Variants in STXBP6 observed in about 807,000 individuals in gnomAD.
The protein encoded by STXBP6 is syntaxin-binding protein 6.
In STXBP6, 21 loss-of-function variants were observed where a neutral mutation model predicts 26.9. The ratio of observed to expected loss-of-function variants is 0.78; its 90% CI spans 0.55 to 1.12. The LOEUF (loss-of-function observed/expected upper bound fraction) is 1.12. STXBP6 is among the 50% of genes most tolerant of loss of function. The probability of loss-of-function intolerance (pLI) is 0.00; values close to 1 mark genes in which losing one functional copy is unlikely to be tolerated. For synonymous variants in STXBP6, 97 were observed against 92.6 expected (o/e 1.05, Z -0.27); for missense variants, 232 against 257.9 (o/e 0.90, Z 0.69).
At chr14:24,967,199 T>C (rs2073761123) in intron 2 of STXBP6, among the ~76,000 whole-genome samples, 1 of 152,216 alleles carries the variant, frequency 6.6e-6, no homozygotes, top group Non-Finnish European at 1.5e-5. Flanking sequence ...ATCTACCTCA[T>C]AGCACTGCTG....
intron 1 of STXBP6, among the ~76,000 whole-genome samples, chr14:25,025,414 A>G (rs1382196012): frequency 6.6e-6 from 1 of 152,154 alleles, no homozygotes; most frequent in East Asian, 1.9e-4. Context: ...CAAATGGAAT[A>G]CTGGAAGTCC....
chr14:24,833,889 C>G (rs2068533680), intron 4 of STXBP6, among the ~76,000 whole-genome samples: 2 of 152,112 alleles, frequency 1.3e-5, no homozygotes, highest in African/African-American at 2.4e-5. Context: ...AAAACCAAAA[C>G]AGATTTTGGT....
At chr14:24,826,790 T>G (rs1163791428) in intron 4 of STXBP6, among the ~76,000 whole-genome samples, 1 of 152,188 alleles carries the variant, frequency 6.6e-6, no homozygotes, top group Non-Finnish European at 1.5e-5. Flanking sequence ...AGATACAAGG[T>G]CAGAAAGATC....
chr14:25,048,294 A>G (rs907392243), intron 1 of STXBP6, among the ~76,000 whole-genome samples: 5 of 152,198 alleles, frequency 3.3e-5, no homozygotes, highest in Non-Finnish European at 7.3e-5. Flanking sequence ...GTTTACAACA[A>G]CCCTGCAATG....
chr14:24,972,967 C>T (rs11159009), intron 2 of STXBP6, among the ~76,000 whole-genome samples: 1 of 151,896 alleles, frequency 6.6e-6, no homozygotes. Context: ...AAAATACAAA[C>T]ATCAGCTGGG....
At chr14:24,918,786 C>T (rs1282049459) in intron 2 of STXBP6, among the ~76,000 whole-genome samples, 1 of 152,032 alleles carries the variant, frequency 6.6e-6, no homozygotes, top group Admixed American at 6.6e-5. Flanking sequence ...AGCAGAATTA[C>T]AGCATCTTAT....
At chr14:24,853,623 A>C (rs1282539069) in intron 4 of STXBP6, among the ~76,000 whole-genome samples, 1 of 152,122 alleles carries the variant, frequency 6.6e-6, no homozygotes, top group Non-Finnish European at 1.5e-5. Flanking sequence ...TACATGTGAC[A>C]CCTGGGAAAA....
chr14:24,974,577 CT>C, intron 2 of STXBP6, 87 bp downstream of exon 2: 1 of 1,229,040 alleles, frequency 8.1e-7, no homozygotes. Context: ...CCTACAAAAC[CT>C]GTGAATGTAA....
At chr14:24,871,685 C>T (rs1174721186) in intron 2 of STXBP6, among the ~76,000 whole-genome samples, 2 of 152,190 alleles carry the variant, frequency 1.3e-5, no homozygotes, top group African/African-American at 2.4e-5. Context: ...CAAGCCATGG[C>T]CCACTACTGG....
intron 2 of STXBP6, among the ~76,000 whole-genome samples, chr14:24,966,310 C>T (rs578065237): frequency 1.3e-5 from 2 of 151,986 alleles, no homozygotes; most frequent in African/African-American, 2.4e-5. Context: ...CCGAGATTAG[C>T]ACACTCTGCT....
chr14:24,906,738 A>C (rs889535717), intron 2 of STXBP6, among the ~76,000 whole-genome samples: 11 of 152,172 alleles, frequency 7.2e-5, no homozygotes, highest in African/African-American at 2.7e-4. Context: ...CAAATTTCTA[A>C]GCTGGCAGTT....
chr14:24,910,431 G>A (rs1595092632), intron 2 of STXBP6, among the ~76,000 whole-genome samples: 6 of 152,292 alleles, frequency 3.9e-5, no homozygotes, highest in Admixed American at 3.9e-4. Context: ...GACTGACACA[G>A]AGCATACCCT....
At chr14:24,901,907 G>T (rs1006333064) in intron 2 of STXBP6, among the ~76,000 whole-genome samples, 6 of 152,260 alleles carry the variant, frequency 3.9e-5, no homozygotes, top group Admixed American at 1.3e-4. Flanking sequence ...TGATGGAAAT[G>T]TTCTGTGTTT....
intron 1 of STXBP6, among the ~76,000 whole-genome samples, chr14:24,998,987 C>A (rs2074679285): frequency 6.6e-6 from 1 of 152,050 alleles, no homozygotes; most frequent in Admixed American, 6.6e-5. Context: ...AACACATATC[C>A]CTTCAAGTTA....
intron 2 of STXBP6, among the ~76,000 whole-genome samples, chr14:24,936,295 CAAAAAACAAAACAAAACAAAAA>C (rs2072595110): frequency 6.6e-6 from 1 of 151,952 alleles, no homozygotes. Flanking sequence ...CAAAACAAAA[CAAAAAACAAAACAAAACAAAAA>C]ACCCTACTGT....
intron 2 of STXBP6, among the ~76,000 whole-genome samples, chr14:24,919,440 T>TAA (rs59604566): frequency 5.4e-4 from 78 of 145,208 alleles, no homozygotes; most frequent in East Asian, 1.4e-3. Context: ...ATGCGAAAAA[T>TAA]AAAAAAAAAA....
intron 2 of STXBP6, among the ~76,000 whole-genome samples, chr14:24,865,157 C>T (rs1036213931): frequency 1.6e-4 from 24 of 152,114 alleles, no homozygotes; most frequent in Admixed American, 1.2e-3. Flanking sequence ...CCTGTGGCTA[C>T]ATCCAATCCA....
intron 1 of STXBP6, among the ~76,000 whole-genome samples, chr14:24,984,016 G>A (rs761307044): frequency 1.3e-4 from 20 of 152,098 alleles, no homozygotes; most frequent in Non-Finnish European, 2.4e-4. Context: ...GGTGGATCAC[G>A]AGGTCAAGAG....
intron 1 of STXBP6, among the ~76,000 whole-genome samples, chr14:24,975,176 C>A (rs934548839): frequency 2.0e-5 from 3 of 152,218 alleles, no homozygotes; most frequent in African/African-American, 7.2e-5. Context: ...GCAGTACCCA[C>A]TCTATTCCTG....
Sources: gnomAD v4.1 joint callset for allele counts (sites outside exome capture counted in the v4.1 genomes callset) on GRCh38, gnomAD v4.1.1 for gene constraint, MANE v1.5 for transcripts, NCBI Gene and HGNC (gene_info 2026-07-23, HGNC 2026-07-21) for gene names.